SLC12A9: variants seen among roughly 807,000 people sequenced by gnomAD.
SLC12A9 encodes CCC-interacting protein 1.
A neutral mutation model predicts 66.0 loss-of-function variants in SLC12A9; 55 were observed. That is an observed-to-expected ratio of 0.83 (90% CI 0.67 to 1.04). SLC12A9 has a LOEUF of 1.04. Ranked by LOEUF, SLC12A9 falls within the 50% of genes least tolerant of loss-of-function variation. The pLI, the probability that SLC12A9 is intolerant of heterozygous loss-of-function variation, is 0.00. For missense variants in SLC12A9, 1,061 were observed against 1,241.9 expected (o/e 0.85, Z 2.19); for synonymous variants, 577 against 569.0 (o/e 1.01, Z -0.20).
chr7:100,864,290 A>T (rs1814942218), intron 13 of SLC12A9, among the ~76,000 whole-genome samples: 1 of 152,108 alleles, frequency 6.6e-6, no homozygotes, highest in African/African-American at 2.4e-5. Flanking sequence ...CATATTGCCC[A>T]GGCTGATCTC....
chr7:100,842,799 A>C (rs968677862), intron 1 of SLC12A9, among the ~76,000 whole-genome samples: 1 of 152,208 alleles, frequency 6.6e-6, no homozygotes, highest in Non-Finnish European at 1.5e-5. Context: ...CCCTTCCACT[A>C]AGGTGGTCCT....
chr7:100,856,850 G>C lies in SLC12A9; in HGVS notation c.449-18G>C, dbSNP rs1321723680. The C allele has an allele frequency of 1.3e-5, 21 of 1,567,244 alleles. No homozygotes were observed. Among genetic ancestry groups the C allele is most frequent in the Non-Finnish European group, 1.8e-5 (21 of 1,158,886 alleles). On this transcript the variant is annotated intron_variant, in intron 4 of 13. Coordinates refer to ENST00000354161, the MANE Select transcript of SLC12A9 (RefSeq NM_020246.4). ...CCTTAGGATCGGGCCTTCTAACTCT[G>C]TCCCTACCTCTCTCCAGATGCCACA...
In SLC12A9 at chr7:100,860,238, CCTT is replaced by C. The variant is rs769906924; in HGVS notation, c.1218+14_1218+16del. On this transcript the variant is annotated splice_region_variant and intron_variant, in intron 9 of 13. Coordinates refer to ENST00000354161, the MANE Select transcript of SLC12A9 (RefSeq NM_020246.4). ...ATTCTTGGGGCCTGGTGCAGGTGAG[CCTT>C]CTTCTTCAAGGGGCCCTTTCCCTCA... 58 of 1,612,770 alleles carry C rather than the reference CCTT, an allele frequency of 3.6e-5. 1 individual carries two copies. The South Asian group carries it at 4.8e-4, about 13-fold the overall frequency.
upstream of SLC12A9, among the ~76,000 whole-genome samples, chr7:100,849,449 C>T (rs941966776): frequency 6.6e-6 from 1 of 151,648 alleles, no homozygotes; most frequent in Non-Finnish European, 1.5e-5. Context: ...GGTGCGGTGG[C>T]TCACACCTGT....
intron 1 of SLC12A9, among the ~76,000 whole-genome samples, 176 bp from the exon 2 acceptor site, chr7:100,853,980 C>T (rs1406167331): frequency 2.6e-5 from 4 of 152,272 alleles, no homozygotes; most frequent in East Asian, 1.9e-4. Flanking sequence ...CCACCTGCCT[C>T]GTCCTCCCAA....
intron 12 of SLC12A9, 112 bp from the exon 13 acceptor site, chr7:100,862,569 A>G (rs1437377602): frequency 7.7e-7 from 1 of 1,295,282 alleles, no homozygotes; most frequent in Admixed American, 1.9e-5. Flanking sequence ...ATCCTTTCCC[A>G]TGACCCCTCC....
intron 13 of SLC12A9, 195 bp from the exon 14 acceptor site, chr7:100,865,524 A>G: frequency 2.6e-6 from 4 of 1,547,874 alleles, no homozygotes; most frequent in Non-Finnish European, 3.5e-6. Context: ...AATAAAATAA[A>G]TGCATGTGAA....
At chr7:100,859,220 AG>A in intron 7 of SLC12A9, 59 bp downstream of exon 7, 1 of 1,509,310 alleles carries the variant, frequency 6.6e-7, no homozygotes. Context: ...TGGGTCACCA[AG>A]GGGAAACACA....
At chr7:100,851,475 G>A (rs62482461), upstream of SLC12A9, among the ~76,000 whole-genome samples, 3,454 of 149,424 alleles carry the variant, frequency 0.023, 78 homozygotes, top group Non-Finnish European at 0.036. Flanking sequence ...CCTGGCTGGA[G>A]TGCAGTGGTG....
chr7:100,856,826 C>T (rs750450362), intron 4 of SLC12A9, 42 bp from the exon 5 acceptor site: 2 of 1,523,304 alleles, frequency 1.3e-6, no homozygotes, highest in Non-Finnish European at 1.8e-6. Context: ...GGTGGGGTGC[C>T]TTAGGATCGG....
chr7:100,859,688 G>T, intron 7 of SLC12A9, 197 bp from the exon 8 acceptor site: 1 of 637,110 alleles, frequency 1.6e-6, no homozygotes, highest in Admixed American at 3.1e-5. Flanking sequence ...TTTAGCCTGG[G>T]GGTTGGAGTG....
chr7:100,839,410 C>T (rs1024627213), intron 1 of SLC12A9, among the ~76,000 whole-genome samples: 1 of 152,174 alleles, frequency 6.6e-6, no homozygotes, highest in African/African-American at 2.4e-5. Flanking sequence ...GAATAAACCC[C>T]TTCCTTCTTT....
upstream of SLC12A9, among the ~76,000 whole-genome samples, chr7:100,849,519 C>A (rs930151745): frequency 6.6e-6 from 1 of 151,814 alleles, no homozygotes; most frequent in Non-Finnish European, 1.5e-5. Flanking sequence ...AGTTTGAGAC[C>A]AGCCTGGAGA....
At chr7:100,849,669 C>T (rs1327178378), upstream of SLC12A9, among the ~76,000 whole-genome samples, 7 of 151,502 alleles carry the variant, frequency 4.6e-5, no homozygotes, top group East Asian at 5.9e-4. Flanking sequence ...GAGCTGAGAT[C>T]GCGCCACTGC....
upstream of SLC12A9, among the ~76,000 whole-genome samples, chr7:100,852,236 G>C (rs900475582): frequency 6.6e-6 from 1 of 152,228 alleles, no homozygotes; most frequent in African/African-American, 2.4e-5. Flanking sequence ...AGCGCAGCTG[G>C]ATCGGGCGCG....
Position 100,859,876 on chromosome 7 carries a change from C to T in SLC12A9, c.978-9C>T. On this transcript the variant is annotated splice_polypyrimidine_tract_variant and intron_variant, in intron 7 of 13. Transcript: ENST00000354161. ...TGATCATCCGTGTCCTCCTTTTCCT[C>T]CTTCCTAGGACCCTGCTGCAGGAAG... 2 of 1,588,576 alleles carry T rather than the reference C, an allele frequency of 1.3e-6. No individual in the cohort carries two copies. Among genetic ancestry groups the T allele is most frequent in the Non-Finnish European group, 1.7e-6 (2 of 1,160,012 alleles).
chr7:100,861,549 TG>T lies in SLC12A9; in HGVS notation c.1505del (p.Gly502AlafsTer26), dbSNP rs1301107019. On this transcript the variant is annotated frameshift_variant, in exon 11 of 14. Coordinates refer to ENST00000354161, the MANE Select transcript of SLC12A9 (RefSeq NM_020246.4). LOFTEE classifies it high-confidence loss of function. The surrounding 1 kb of genome is among the most constrained non-coding windows in gnomAD (Gnocchi z 5.3). ...CACCGCGCGAGGAGGCCCCAGTAGC[TG>T]GGGCTATGTCAGCCAGGCCTTGCTT... ...LLTARGGPSS[W>X]GYVSQALLFH... is the part of the protein sequence containing the mutation. 7 of 1,613,694 alleles carry T rather than the reference TG, an allele frequency of 4.3e-6. No homozygotes were observed. Among genetic ancestry groups the T allele is most frequent in the Non-Finnish European group, 5.9e-6 (7 of 1,180,000 alleles).
chr7:100,826,960 C>CT (rs773426029), exon 1 of SLC12A9: 2 of 1,533,898 alleles, frequency 1.3e-6, no homozygotes, highest in South Asian at 1.2e-5. Flanking sequence ...GGTGCGCCCC[C>CT]CCCCGCAAGG....
In SLC12A9 at chr7:100,855,962, T is replaced by G; in HGVS notation, c.448+125T>G. The G allele has an allele frequency of 7.0e-6, 10 of 1,431,328 alleles. No homozygotes were observed. The South Asian group carries it at 1.4e-4, about 20-fold the overall frequency. 88.7% of individuals were successfully genotyped at this position (1,431,328 alleles called of 1,614,324 possible). A position where few individuals can be genotyped will look rare whatever the true frequency, so the allele number is the denominator to read the frequency against. On this transcript the variant is annotated intron_variant, in intron 4 of 13. Transcript: ENST00000354161. ...AGCCATTACCTTGGCTTTCTGGAGC[T>G]TCTGCTGTGTGGCCAGCATCGTGCA...
Sources: gnomAD v4.1 joint callset for allele counts (sites outside exome capture counted in the v4.1 genomes callset) on GRCh38, gnomAD v4.1.1 for gene constraint, Gnocchi (gnomAD v3.1) non-coding constraint, MANE v1.5 for transcripts, NCBI Gene and HGNC (gene_info 2026-07-23, HGNC 2026-07-21) for gene names.